The following SHTN1 variants were observed in gnomAD, a reference collection of about 807,000 sequenced individuals.
The protein encoded by SHTN1 is shootin-1.
A neutral mutation model predicts 83.1 loss-of-function variants in SHTN1; 42 were observed. The ratio of observed to expected loss-of-function variants is 0.51; its 90% CI spans 0.39 to 0.65. The LOEUF (loss-of-function observed/expected upper bound fraction) is 0.65. Ranked by LOEUF, SHTN1 falls within the 30% of genes least tolerant of loss-of-function variation. The pLI is 0.00. For missense variants in SHTN1, 622 were observed against 737.8 expected, an observed-to-expected ratio of 0.84 and a Z score of 1.82; for synonymous variants, 224 against 247.7, an observed-to-expected ratio of 0.90 and a Z score of 0.90.
At chr10:116,901,478 A>G in intron 16 of SHTN1, 1 of 985,200 alleles carries the variant, frequency 1.0e-6, no homozygotes, top group Non-Finnish European at 1.2e-6. Flanking sequence ...TTGTCTCCTG[A>G]CGCAGAGTCT....
At chr10:116,992,635 T>C (rs997955913) in intron 1 of SHTN1, among the ~76,000 whole-genome samples, 1 of 152,106 alleles carries the variant, frequency 6.6e-6, no homozygotes, top group African/African-American at 2.4e-5. Context: ...ATTCCCTAAC[T>C]AGTATTACCT....
At chr10:117,052,064 TAAAC>T (rs1239985093) in intron 1 of SHTN1, among the ~76,000 whole-genome samples, 1 of 107,306 alleles carries the variant, frequency 9.3e-6, no homozygotes, top group Non-Finnish European at 2.0e-5. Flanking sequence ...CTAGAGCTAA[TAAAC>T]AAATTCACCA....
intron 1 of SHTN1, among the ~76,000 whole-genome samples, chr10:117,108,555 C>T (rs1449116251): frequency 2.1e-5 from 2 of 95,258 alleles, no homozygotes; most frequent in Non-Finnish European, 3.8e-5. Flanking sequence ...TGGGGCCTGT[C>T]GTGGGGTGGG....
chr10:116,898,723 TTTTTC>T (rs1485834045), intron 16 of SHTN1, among the ~76,000 whole-genome samples: 1 of 152,150 alleles, frequency 6.6e-6, no homozygotes, highest in Non-Finnish European at 1.5e-5. Context: ...TTTTCCTTTC[TTTTTC>T]TTCTTTTTTC....
intron 13 of SHTN1, among the ~76,000 whole-genome samples, chr10:116,914,539 T>C (rs1848313706): frequency 6.7e-6 from 1 of 149,218 alleles, no homozygotes; most frequent in Admixed American, 6.6e-5. Flanking sequence ...CTGGGGGACG[T>C]TCACACGGTT....
At chr10:116,891,601 T>C (rs374437088) in intron 16 of SHTN1, among the ~76,000 whole-genome samples, 1 of 152,226 alleles carries the variant, frequency 6.6e-6, no homozygotes, top group East Asian at 1.9e-4. Context: ...GGTGTAAAAA[T>C]AAGGATTCTT....
chr10:117,125,599 T>C (rs190307652), intron 1 of SHTN1, among the ~76,000 whole-genome samples: 16 of 152,260 alleles, frequency 1.1e-4, no homozygotes, highest in Admixed American at 8.5e-4. Flanking sequence ...CCAGGCCACT[T>C]TGCAAGCCTT....
intron 16 of SHTN1, among the ~76,000 whole-genome samples, chr10:116,898,926 A>G (rs1298942472): frequency 6.6e-6 from 1 of 152,222 alleles, no homozygotes; most frequent in African/African-American, 2.4e-5. Context: ...TTACTCAATT[A>G]TATGGAATCT....
chr10:117,011,084 A>G (rs971577423), intron 2 of SHTN1, among the ~76,000 whole-genome samples: 2 of 152,230 alleles, frequency 1.3e-5, no homozygotes, highest in East Asian at 1.9e-4. Context: ...AAGAAAAAGA[A>G]AGAAAAGGCA....
intron 2 of SHTN1, among the ~76,000 whole-genome samples, chr10:117,038,944 G>A (rs1852543954): frequency 1.3e-5 from 2 of 152,126 alleles, no homozygotes; most frequent in Admixed American, 6.5e-5. Flanking sequence ...TAGTTCTTAC[G>A]AAACTAAACA....
chr10:117,032,603 A>C (rs1307826508), intron 2 of SHTN1, among the ~76,000 whole-genome samples: 1 of 152,204 alleles, frequency 6.6e-6, no homozygotes, highest in Non-Finnish European at 1.5e-5. Flanking sequence ...TAATAGCTGG[A>C]GAATTCAACA....
chr10:117,054,449 A>G (rs1187453807), intron 1 of SHTN1, among the ~76,000 whole-genome samples: 1 of 143,226 alleles, frequency 7.0e-6, no homozygotes, highest in Non-Finnish European at 1.5e-5. Context: ...TCTATCGCCC[A>G]GGCTGGAGTG....
At chr10:116,946,511 TTATA>T (rs1276790627) in intron 7 of SHTN1, among the ~76,000 whole-genome samples, 20 of 141,346 alleles carry the variant, frequency 1.4e-4, no homozygotes, top group African/African-American at 3.6e-4. Flanking sequence ...ATAAAATGAT[TTATA>T]TATAAATATA....
intron 8 of SHTN1, among the ~76,000 whole-genome samples, chr10:116,940,869 C>T (rs2133397221): frequency 6.6e-6 from 1 of 152,150 alleles, no homozygotes; most frequent in South Asian, 2.1e-4. Context: ...TTTATTATTG[C>T]TTTAAGATAC....
chr10:116,932,356 G>A (rs557272814), intron 9 of SHTN1, among the ~76,000 whole-genome samples: 31 of 152,242 alleles, frequency 2.0e-4, no homozygotes, highest in Non-Finnish European at 4.1e-4. Flanking sequence ...TCACAGAACC[G>A]CGAACCCTAT....
At chr10:116,924,696 C>G (rs889183816) in intron 11 of SHTN1, among the ~76,000 whole-genome samples, 1 of 149,352 alleles carries the variant, frequency 6.7e-6, no homozygotes, top group East Asian at 2.0e-4. Flanking sequence ...AATAAAATTT[C>G]AGGCATGTGT....
chr10:116,921,327 T>C, intron 12 of SHTN1, 107 bp downstream of exon 12: 1 of 743,316 alleles, frequency 1.3e-6, no homozygotes, highest in Non-Finnish European at 2.3e-6. Context: ...CAGTGCTTCA[T>C]ACTACTCTCC....
intron 3 of SHTN1, among the ~76,000 whole-genome samples, chr10:116,963,091 A>T: frequency 1.5e-5 from 1 of 65,846 alleles, no homozygotes; most frequent in South Asian, 6.7e-4. Context: ...TTTTTTTTTG[A>T]GACGGAGTCT....
rs533309562 is a variant in SHTN1 at position 116,912,210 on chromosome 10, C to T, written c.1306-367G>A. ...CTTAGGATAAACTGTCCTCTACCTGCATTGCTGGACTCTGCCAGCAAGCAG... is the reference window on the plus strand; with the variant it reads ...CTTAGGATAAACTGTCCTCTACCTGTATTGCTGGACTCTGCCAGCAAGCAG... On this transcript the variant is annotated intron_variant, in intron 13 of 16. Transcript: ENST00000355371. Among the ~76,000 whole-genome samples, 112 of 152,314 alleles carry T rather than the reference C, an allele frequency of 7.4e-4. 2 individuals carry two copies. In the South Asian group the frequency reaches 0.022, roughly 30 times the overall value.
Sources: allele counts gnomAD v4.1 joint callset (sites outside exome capture counted in the v4.1 genomes callset), GRCh38; gene constraint gnomAD v4.1.1; transcripts MANE v1.5; gene names NCBI Gene and HGNC (gene_info 2026-07-23, HGNC 2026-07-21).